Variants in EYS observed in about 807,000 individuals in gnomAD.
EYS encodes protein eyes shut homolog.
Under a neutral mutation model 282.1 loss-of-function variants are expected in EYS, and 250 were observed. The observed-to-expected ratio is 0.89, with a 90% confidence interval of 0.80 to 0.98. EYS has a LOEUF of 0.98. Among genes scored for constraint, EYS ranks in the 50% least tolerant of loss-of-function variants. The pLI, the probability that EYS is intolerant of heterozygous loss-of-function variation, is 0.00. For missense variants in EYS, 4,016 were observed against 3,709.0 expected, an observed-to-expected ratio of 1.08 and a Z score of -2.15; for synonymous variants, 1,355 against 1,282.9, an observed-to-expected ratio of 1.06 and a Z score of -1.20.
Position 65,677,137 on chromosome 6 carries a change from C to CT in EYS, c.-448+29997dup, listed in dbSNP as rs1338191907. ...AAAAAAAAAAAAAAAAGAAAGAAAGCTTTTCTGGTAAGATCAGGGATAAGG... is the reference window on the plus strand; with the variant it reads ...AAAAAAAAAAAAAAAAGAAAGAAAGCTTTTTCTGGTAAGATCAGGGATAAGG... On this transcript the variant is annotated intron_variant, in intron 1 of 42. Transcript: ENST00000503581. Among the ~76,000 whole-genome samples the CT allele has an allele frequency of 2.2e-5, 3 of 137,788 alleles. No homozygotes were observed. In the East Asian group the frequency reaches 6.5e-4, roughly 30 times the overall value. The allele number at this position is 137,788 out of a possible 152,430, so 90.4% of individuals were successfully genotyped here.
At chr6:65,264,340 A>G (rs1267334426) in intron 12 of EYS, among the ~76,000 whole-genome samples, 2 of 152,120 alleles carry the variant, frequency 1.3e-5, no homozygotes, top group Non-Finnish European at 2.9e-5. Context: ...TTTGTTTTCA[A>G]AATTGTAACT....
chr6:65,294,367 A>T (rs555025034), intron 12 of EYS, among the ~76,000 whole-genome samples: 4 of 151,940 alleles, frequency 2.6e-5, no homozygotes, highest in Non-Finnish European at 5.9e-5. Flanking sequence ...CACAATAGAA[A>T]ATACAGGCCT....
At chr6:64,026,485 T>A (rs988090095) in intron 33 of EYS, among the ~76,000 whole-genome samples, 1 of 152,156 alleles carries the variant, frequency 6.6e-6, no homozygotes, top group African/African-American at 2.4e-5. Flanking sequence ...TTGGCCCCAA[T>A]ATTCTCTCTC....
chr6:64,270,454 C>A (rs1026753417), intron 30 of EYS, among the ~76,000 whole-genome samples: 1 of 151,798 alleles, frequency 6.6e-6, no homozygotes, highest in African/African-American at 2.4e-5. Flanking sequence ...GAGAGGTGAA[C>A]GAAAGCACCT....
chr6:64,065,320 G>A (rs968248953), intron 33 of EYS, among the ~76,000 whole-genome samples: 1 of 152,050 alleles, frequency 6.6e-6, no homozygotes, highest in South Asian at 2.1e-4. Flanking sequence ...TTTTAAAGAC[G>A]AACTCAGTCA....
intron 26 of EYS, among the ~76,000 whole-genome samples, chr6:64,484,465 C>T (rs753620765): frequency 2.0e-5 from 3 of 151,636 alleles, no homozygotes; most frequent in African/African-American, 4.8e-5. Flanking sequence ...CCCACTCCAA[C>T]GCTTTAACTG....
At chr6:65,519,708 A>ATATATATATTTTTTT (rs1554205854) in intron 2 of EYS, among the ~76,000 whole-genome samples, 1 of 42,564 alleles carries the variant, frequency 2.3e-5, no homozygotes, top group African/African-American at 1.3e-4. Context: ...ATATATATAT[A>ATATATATATTTTTTT]TTTTTTTTTT....
At chr6:65,675,241 C>T (rs1381951373) in intron 1 of EYS, among the ~76,000 whole-genome samples, 1 of 151,386 alleles carries the variant, frequency 6.6e-6, no homozygotes, top group Non-Finnish European at 1.5e-5. Flanking sequence ...AATAATATGG[C>T]AATAATAAGT....
chr6:64,636,623 C>T (rs9452259), intron 22 of EYS, among the ~76,000 whole-genome samples: 20 of 152,122 alleles, frequency 1.3e-4, no homozygotes, highest in African/African-American at 4.8e-4. Flanking sequence ...TTCTGCACAG[C>T]AAAAGAAACT....
chr6:63,727,712 A>C (rs1768664468), intron 41 of EYS, among the ~76,000 whole-genome samples: 1 of 75,778 alleles, frequency 1.3e-5, no homozygotes, highest in African/African-American at 9.5e-5. Flanking sequence ...CTCTCAAAAA[A>C]AAAAAAAAAA....
intron 1 of EYS, among the ~76,000 whole-genome samples, chr6:65,669,799 C>T (rs1768323610): frequency 6.6e-6 from 1 of 151,894 alleles, no homozygotes; most frequent in African/African-American, 2.4e-5. Flanking sequence ...CACAGTTGGA[C>T]ATATGCGAGT....
At chr6:65,169,957 G>A (rs1405886996) in intron 12 of EYS, among the ~76,000 whole-genome samples, 2 of 151,600 alleles carry the variant, frequency 1.3e-5, no homozygotes, top group South Asian at 2.1e-4. Context: ...TGAATTGTAT[G>A]CAATAAAACA....
intron 31 of EYS, among the ~76,000 whole-genome samples, chr6:64,156,867 TTTTTTAA>T (rs1464859477): frequency 1.3e-5 from 2 of 150,930 alleles, no homozygotes; most frequent in Admixed American, 6.6e-5. Flanking sequence ...ATTCAGTTTT[TTTTTTAA>T]TTTTTAATTT....
At chr6:64,408,027 G>A (rs950666981) in intron 28 of EYS, among the ~76,000 whole-genome samples, 25 of 151,902 alleles carry the variant, frequency 1.6e-4, no homozygotes, top group African/African-American at 4.4e-4. Flanking sequence ...GCGTCCAGCC[G>A]CACACATTAT....
At chr6:64,951,913 A>G (rs2150100264) in intron 14 of EYS, among the ~76,000 whole-genome samples, 3 of 152,110 alleles carry the variant, frequency 2.0e-5, no homozygotes, top group Middle Eastern at 6.8e-3. Context: ...TATTTGAAAA[A>G]TTGCTGCCTG....
chr6:64,433,779 A>C (rs996883700), intron 28 of EYS, among the ~76,000 whole-genome samples: 1 of 152,008 alleles, frequency 6.6e-6, no homozygotes, highest in African/African-American at 2.4e-5. Flanking sequence ...TGTTTCTTTT[A>C]AAGAAGACTA....
At chr6:63,950,022 A>T (rs1765522090) in intron 35 of EYS, among the ~76,000 whole-genome samples, 1 of 151,992 alleles carries the variant, frequency 6.6e-6, no homozygotes, top group Admixed American at 6.6e-5. Flanking sequence ...AAATACAAAA[A>T]ATTAGCCGGG....
chr6:65,341,536 G>C (rs1770199827), intron 10 of EYS, among the ~76,000 whole-genome samples: 1 of 151,120 alleles, frequency 6.6e-6, no homozygotes, highest in Non-Finnish European at 1.5e-5. Context: ...GAGATTCTCT[G>C]TCCTGTATAT....
At chr6:64,945,448 C>T (rs1206685352) in intron 15 of EYS, among the ~76,000 whole-genome samples, 1 of 152,122 alleles carries the variant, frequency 6.6e-6, no homozygotes, top group African/African-American at 2.4e-5. Flanking sequence ...AGCGGACTCA[C>T]TCCTTTCTTG....
Sources: allele counts gnomAD v4.1 joint callset (sites outside exome capture counted in the v4.1 genomes callset), GRCh38; gene constraint gnomAD v4.1.1; transcripts MANE v1.5; gene names NCBI Gene and HGNC (gene_info 2026-07-23, HGNC 2026-07-21).